The following PPP1R15B variants were observed in gnomAD, a reference collection of about 807,000 sequenced individuals.
PPP1R15B encodes the protein protein phosphatase 1 regulatory subunit 15B, also known as protein phosphatase 1, regulatory (inhibitor) subunit 15B.
Under a neutral mutation model 53.9 loss-of-function variants are expected in PPP1R15B, and 31 were observed. The observed-to-expected ratio is 0.58, with a 90% confidence interval of 0.43 to 0.78. The LOEUF (loss-of-function observed/expected upper bound fraction) is 0.78, where lower values mean the gene tolerates loss of function less well. Ranked by LOEUF, PPP1R15B falls within the 30% of genes least tolerant of loss-of-function variation. The probability of loss-of-function intolerance (pLI) is 0.00; values close to 1 mark genes in which losing one functional copy is unlikely to be tolerated. For missense variants in PPP1R15B, 928 were observed against 849.6 expected (o/e 1.09, Z -1.15); for synonymous variants, 345 against 329.1 (o/e 1.05, Z -0.52).
chr1:204,404,895 T>C lies in PPP1R15B; in HGVS notation c.*1197A>G, dbSNP rs1345969416. ...CAAAGACTTCAATTCAAAGTAACCT[T>C]TGGGCTAAATATATTAAAACTTTCC... is the stretch of plus-strand genomic sequence containing the variant. On this transcript the variant is annotated 3_prime_UTR_variant, in exon 2 of 2. Coordinates refer to ENST00000367188, the MANE Select transcript of PPP1R15B (RefSeq NM_032833.5). The C allele has an allele frequency of 3.0e-6, 3 of 985,660 alleles. No individual in the cohort carries two copies. In the African/African-American group the frequency reaches 5.2e-5, roughly 17 times the overall value. The allele number at this position is 985,660 out of a possible 1,614,324, so 61.1% of individuals were successfully genotyped here. A position where few individuals can be genotyped will look rare whatever the true frequency, so the allele number is the denominator to read the frequency against.
chr1:204,396,818 A>T (rs1674105298), downstream of PPP1R15B, among the ~76,000 whole-genome samples: 1 of 152,198 alleles, frequency 6.6e-6, no homozygotes, highest in South Asian at 2.1e-4. Context: ...TGCTCAAAGG[A>T]TACAAACTTT....
chr1:204,399,432 T>A (rs970420694), downstream of PPP1R15B, among the ~76,000 whole-genome samples: 5 of 152,122 alleles, frequency 3.3e-5, no homozygotes, highest in Admixed American at 2.0e-4. Context: ...TGATGGCATC[T>A]GCCTGTAGTC....
At chr1:204,397,612 A>T (rs572059047), downstream of PPP1R15B, among the ~76,000 whole-genome samples, 1 of 152,348 alleles carries the variant, frequency 6.6e-6, no homozygotes, top group African/African-American at 2.4e-5. Flanking sequence ...AATTAGCTTG[A>T]CTTACCATTC....
rs943995361 is a variant in PPP1R15B, at chr1:204,404,250, G to A, written c.*1842C>T. The A allele has an allele frequency of 1.1e-5, 11 of 980,462 alleles. No individual in the cohort carries two copies. The highest frequency in any genetic ancestry group is 1.8e-5 in the African/African-American group (1 of 57,078). The allele number at this position is 980,462 out of a possible 1,614,324, so 60.7% of individuals were successfully genotyped here. ...CAGAATCCCAGCACTTTGAGAGGCC[G>A]AGGCGGGCGGATCACGAGGTCAGCA... On this transcript the variant is annotated 3_prime_UTR_variant, in exon 2 of 2. Coordinates refer to ENST00000367188, the MANE Select transcript of PPP1R15B (RefSeq NM_032833.5).
chr1:204,410,699 T>G lies in PPP1R15B; in HGVS notation c.713A>C (p.Tyr238Ser), dbSNP rs750078800. Residue 238 changes from tyrosine to serine, a missense_variant, in exon 1 of 2, where the codon TAT (tyrosine) becomes TCT (serine). Coordinates refer to ENST00000367188, the MANE Select transcript of PPP1R15B (RefSeq NM_032833.5). ...CTCGCTATTTCCATCACTGTTCTGA[T>G]AGCTGACTTCTAGCCTAGGAAAGCA... ...LDCFPRLEVS[Y>S]QNSDGNSEVV... The G allele has an allele frequency of 4.3e-6, 7 of 1,614,020 alleles. No homozygotes were observed. Among genetic ancestry groups the G allele is most frequent in the Non-Finnish European group, 5.9e-6 (7 of 1,179,990 alleles).
chr1:204,404,428 T>G lies in PPP1R15B; in HGVS notation c.*1664A>C. 6 of 662,698 alleles carry G rather than the reference T, an allele frequency of 9.1e-6. No homozygotes were observed. Among genetic ancestry groups the G allele is most frequent in the Non-Finnish European group, 1.1e-5 (6 of 536,124 alleles). 41.1% of individuals were successfully genotyped at this position (662,698 alleles called of 1,614,324 possible). ...TGAACCCAGGAGGCGGAGGTTGCAG[T>G]GAGCCGAGATCGCGCCACTGCACTC... On this transcript the variant is annotated 3_prime_UTR_variant, in exon 2 of 2. Coordinates refer to ENST00000367188, the MANE Select transcript of PPP1R15B (RefSeq NM_032833.5).
chr1:204,406,004 G>A lies in PPP1R15B; in HGVS notation c.*88C>T. The A allele has an allele frequency of 2.0e-6, 3 of 1,487,514 alleles. No individual in the cohort carries two copies. Among genetic ancestry groups the A allele is most frequent in the Non-Finnish European group, 2.7e-6 (3 of 1,120,458 alleles). 92.1% of individuals were successfully genotyped at this position (1,487,514 alleles called of 1,614,324 possible). On this transcript the variant is annotated 3_prime_UTR_variant, in exon 2 of 2. Coordinates refer to ENST00000367188, the MANE Select transcript of PPP1R15B (RefSeq NM_032833.5). Reference sequence around the variant, plus strand: ...TTACATTTCCTCTAAAAAAAAAAATGTCAAAGGACAGCTGCCAAGATTTGT... The same window carrying A: ...TTACATTTCCTCTAAAAAAAAAAATATCAAAGGACAGCTGCCAAGATTTGT...
In PPP1R15B at chr1:204,406,210, C is replaced by T; in HGVS notation, c.2024G>A (p.Arg675Gln). ...AATAGCATCTTCTGTTTCTTGAATT[C>T]GTTTCTGGAACCTGCATCCATCCCT... is the stretch of plus-strand genomic sequence containing the variant. Reference protein sequence around the residue: ...FARDGCRFQKRIQETEDAIGY... With the variant: ...FARDGCRFQKQIQETEDAIGY... The change falls in exon 2 of 2, where the codon CGA (arginine) becomes CAA (glutamine). Residue 675 changes from arginine (R) to glutamine (Q), a missense_variant. Physicochemically the swap from Arg to Gln is conservative, Grantham distance 43. Transcript: ENST00000367188. The T allele has an allele frequency of 1.2e-6, 2 of 1,614,118 alleles. No individual in the cohort carries two copies. Among genetic ancestry groups the T allele is most frequent in the African/African-American group, 1.3e-5 (1 of 75,038 alleles).
In PPP1R15B at chr1:204,409,554, G is replaced by T. The variant is rs1367231866; in HGVS notation, c.1858C>A (p.Pro620Thr). The T allele has an allele frequency of 6.2e-7, 1 of 1,614,136 alleles. No homozygotes were observed. Among genetic ancestry groups the T allele is most frequent in the East Asian group, 2.2e-5 (1 of 44,886 alleles). ...AGAACGTCACGCTGTACCGAGTCTG[G>T]ACATTCACTTTCTTGGCTCCCCAAC... is the stretch of plus-strand genomic sequence containing the variant. ...QLLGSQESECPDSVQRDVLSG... is the reference protein window; with the variant it reads ...QLLGSQESECTDSVQRDVLSG... The change falls in exon 1 of 2, where the codon CCA becomes ACA. Residue 620 changes from proline to threonine, a missense_variant. Coordinates refer to ENST00000367188, the MANE Select transcript of PPP1R15B (RefSeq NM_032833.5).
At position 204,403,883 on chromosome 1, in the gene PPP1R15B, TG is replaced by T. The variant is rs1452542876; in HGVS notation, c.*2208del. 2 of 985,636 alleles carry T rather than the reference TG, an allele frequency of 2.0e-6. No homozygotes were observed. Among genetic ancestry groups the T allele is most frequent in the Non-Finnish European group, 2.4e-6 (2 of 829,886 alleles). 61.1% of individuals were successfully genotyped at this position (985,636 alleles called of 1,614,324 possible). ...CACTTCTTCCAAGGAGGCTAGTATA[TG>T]GAAGAACTCTTAATCAAGCTTTCAC... On this transcript the variant is annotated 3_prime_UTR_variant, in exon 2 of 2. Coordinates refer to ENST00000367188, the MANE Select transcript of PPP1R15B (RefSeq NM_032833.5).
chr1:204,411,691 G>A lies in PPP1R15B; in HGVS notation c.-280C>T. The A allele has an allele frequency of 1.9e-6, 1 of 532,198 alleles. No homozygotes were observed. The highest frequency in any genetic ancestry group is 2.3e-5 in the South Asian group (1 of 43,400). The allele number at this position is 532,198 out of a possible 1,614,324, so 33.0% of individuals were successfully genotyped here. On this transcript the variant is annotated 5_prime_UTR_variant, in exon 1 of 2. Transcript: ENST00000367188. ...AGTCGGCTCGACGCTTCAACACCATGGATAGGAGTCCCCCCACGGCCTCGG... is the reference window on the plus strand; with the variant it reads ...AGTCGGCTCGACGCTTCAACACCATAGATAGGAGTCCCCCCACGGCCTCGG...
At chr1:204,401,098 T>C (rs1397565184), downstream of PPP1R15B, among the ~76,000 whole-genome samples, 3 of 152,230 alleles carry the variant, frequency 2.0e-5, no homozygotes, top group Non-Finnish European at 4.4e-5. Context: ...ATTGCTTACA[T>C]GGTAATACAT....
At chr1:204,400,952 G>A (rs748161496), downstream of PPP1R15B, among the ~76,000 whole-genome samples, 2 of 152,164 alleles carry the variant, frequency 1.3e-5, no homozygotes, top group Non-Finnish European at 2.9e-5. Context: ...CAGGCCTTGC[G>A]GCTCTCAGGC....
rs114571318 is a variant in PPP1R15B at position 204,409,048 on chromosome 1, T to A, written c.1920+444A>T. 3.1e-3 allele frequency among the ~76,000 whole-genome samples: 473 copies of A among 152,364 alleles called. 5 individuals carry two copies. The highest frequency in any genetic ancestry group is 0.011 in the African/African-American group (454 of 41,584). On this transcript the variant is annotated intron_variant, in intron 1 of 1. Coordinates refer to ENST00000367188, the MANE Select transcript of PPP1R15B (RefSeq NM_032833.5). ...TAATGGACAGGAATGAAGACACTCT[T>A]GTTATATGCAAAAAAAATATTAAGT...
chr1:204,411,705 C>T lies in PPP1R15B; in HGVS notation c.-294G>A, dbSNP rs989503246. ...TTCAACACCATGGATAGGAGTCCCC[C>T]CACGGCCTCGGCGATGGTTTTCCGA... On this transcript the variant is annotated 5_prime_UTR_variant, in exon 1 of 2. Transcript: ENST00000367188. 8.2e-6 allele frequency: 4 copies of T among 488,936 alleles called. No individual in the cohort carries two copies. The highest frequency in any genetic ancestry group is 5.9e-5 in the African/African-American group (3 of 51,154). The allele number at this position is 488,936 out of a possible 1,614,324, so 30.3% of individuals were successfully genotyped here.
rs1284886025 is a variant in PPP1R15B at position 204,409,805 on chromosome 1, C to A, written c.1607G>T (p.Ser536Ile). 6.2e-7 allele frequency: 1 copy of A among 1,614,084 alleles called. No individual in the cohort carries two copies. The highest frequency in any genetic ancestry group is 1.3e-5 in the African/African-American group (1 of 74,932). The change falls in exon 1 of 2, where the codon AGT becomes ATT. Residue 536 changes from serine to isoleucine, a missense_variant. By Grantham distance (142) the Ser-to-Ile change is moderately radical. Coordinates refer to ENST00000367188, the MANE Select transcript of PPP1R15B (RefSeq NM_032833.5). ...TTCCCAGTCATCTTCCTCCCCAGAA[C>A]TATGCTCAGGGGTCTCAGGAAGGCT... ...SGSLPETPEH[S>I]SGEEDDWESS...
intron 1 of PPP1R15B, among the ~76,000 whole-genome samples, chr1:204,409,136 A>G (rs762876881): frequency 2.0e-5 from 3 of 152,206 alleles, no homozygotes; most frequent in Non-Finnish European, 4.4e-5. Context: ...GGACCTTTTC[A>G]ATCTCTAGAA....
At chr1:204,403,053 C>CA (rs1674204144), downstream of PPP1R15B, among the ~76,000 whole-genome samples, 1 of 152,014 alleles carries the variant, frequency 6.6e-6, no homozygotes, top group African/African-American at 2.4e-5. Context: ...GCCTGGGTGA[C>CA]AGAGGCTCCG....
chr1:204,406,714 T>A (rs1479289843), intron 1 of PPP1R15B, among the ~76,000 whole-genome samples: 1 of 150,538 alleles, frequency 6.6e-6, no homozygotes, highest in Non-Finnish European at 1.5e-5. Flanking sequence ...ATCGCGCCAC[T>A]ACACTCTAGC....
Sources: gnomAD v4.1 joint callset for allele counts (sites outside exome capture counted in the v4.1 genomes callset) on GRCh38, gnomAD v4.1.1 for gene constraint, MANE v1.5 for transcripts, NCBI Gene and HGNC (gene_info 2026-07-23, HGNC 2026-07-21) for gene names.